Variants in XPR1 observed in about 807,000 individuals in gnomAD.
XPR1 encodes the protein solute carrier family 53 member 1.
Under a neutral mutation model 87.5 loss-of-function variants are expected in XPR1, and 28 were observed. That is an observed-to-expected ratio of 0.32 (90% CI 0.24 to 0.44). XPR1 has a LOEUF of 0.44. Among genes scored for constraint, XPR1 ranks in the 20% least tolerant of loss-of-function variants. XPR1 has a pLI of 1.00. For synonymous variants in XPR1, 300 were observed against 306.1 expected (o/e 0.98, Z 0.21); for missense variants, 559 against 862.3 (o/e 0.65, Z 4.41).
intron 3 of XPR1, among the ~76,000 whole-genome samples, chr1:180,793,310 T>G (rs1649454576): frequency 6.6e-6 from 1 of 152,138 alleles, no homozygotes. Context: ...TATTATTGAT[T>G]TATATTGTTT....
chr1:180,865,550 G>A (rs930099130), intron 12 of XPR1, among the ~76,000 whole-genome samples: 2 of 152,072 alleles, frequency 1.3e-5, no homozygotes, highest in Admixed American at 6.5e-5. Flanking sequence ...ACAGGCGCCC[G>A]CCACCACGTC....
At chr1:180,694,167 C>G (rs1657086799) in intron 2 of XPR1, among the ~76,000 whole-genome samples, 1 of 152,128 alleles carries the variant, frequency 6.6e-6, no homozygotes, top group African/African-American at 2.4e-5. Context: ...GCTATGTTGC[C>G]TAGGCTGATC....
At chr1:180,663,564 A>G (rs1321013461) in intron 1 of XPR1, among the ~76,000 whole-genome samples, 1 of 152,212 alleles carries the variant, frequency 6.6e-6, no homozygotes, top group East Asian at 1.9e-4. Context: ...TTGGGCCACC[A>G]TCACTGGGAC....
chr1:180,817,611 A>G (rs958654202), intron 7 of XPR1, among the ~76,000 whole-genome samples: 2 of 152,220 alleles, frequency 1.3e-5, no homozygotes, highest in Non-Finnish European at 1.5e-5. Context: ...CCTAGGAGCA[A>G]TAGGCTCACA....
In XPR1 at chr1:180,744,650, C is replaced by CTTTTTTTTTTTTTTTTTTT. The variant is rs200044209; in HGVS notation, c.122-43100_122-43099insTTTTTTTTTTTTTTTTTTT. Among the ~76,000 whole-genome samples, 196 of 56,902 alleles carry CTTTTTTTTTTTTTTTTTTT rather than the reference C, an allele frequency of 3.4e-3. 24 individuals are homozygous for CTTTTTTTTTTTTTTTTTTT. Among genetic ancestry groups the CTTTTTTTTTTTTTTTTTTT allele is most frequent in the Non-Finnish European group, 4.4e-3 (120 of 27,150 alleles). 37.3% of individuals were successfully genotyped at this position (56,902 alleles called of 152,430 possible). On this transcript the variant is annotated intron_variant, in intron 2 of 14. Coordinates refer to ENST00000367590, the MANE Select transcript of XPR1 (RefSeq NM_004736.4). ...ACTTGTTCAGGTTTAGGCACAATTT[C>CTTTTTTTTTTTTTTTTTTT]TTTCTTTTTTTTTTTTTTGAGACAG...
chr1:180,729,016 C>T (rs1355292301), intron 2 of XPR1, among the ~76,000 whole-genome samples: 1 of 151,992 alleles, frequency 6.6e-6, no homozygotes, highest in Non-Finnish European at 1.5e-5. Context: ...TCAAGTAGGC[C>T]CCAGTGTTTG....
intron 12 of XPR1, among the ~76,000 whole-genome samples, chr1:180,865,290 C>T (rs1300491317): frequency 1.3e-5 from 2 of 152,052 alleles, no homozygotes; most frequent in Admixed American, 6.5e-5. Context: ...AATTAATAAT[C>T]AGAGAGTAGA....
intron 1 of XPR1, among the ~76,000 whole-genome samples, chr1:180,649,243 C>T (rs4589068): frequency 6.6e-6 from 1 of 151,456 alleles, no homozygotes; most frequent in Non-Finnish European, 1.5e-5. Context: ...GCCTAAGACA[C>T]TGAAACCCCA....
At chr1:180,863,637 A>C in intron 11 of XPR1, 71 bp from the exon 12 acceptor site, 3 of 1,350,084 alleles carry the variant, frequency 2.2e-6, no homozygotes, top group Non-Finnish European at 3.0e-6. Context: ...TGTTTTAATT[A>C]GTGTTATTAA....
At chr1:180,729,121 T>G (rs2102007441) in intron 2 of XPR1, among the ~76,000 whole-genome samples, 1 of 152,212 alleles carries the variant, frequency 6.6e-6, no homozygotes, top group East Asian at 1.9e-4. Flanking sequence ...GTTAGTTTGC[T>G]TAGGATAATG....
chr1:180,810,349 G>A (rs1289459376), intron 6 of XPR1, among the ~76,000 whole-genome samples: 1 of 152,136 alleles, frequency 6.6e-6, no homozygotes. Flanking sequence ...GGGAGGCCAA[G>A]GCAAGTGGAT....
intron 2 of XPR1, among the ~76,000 whole-genome samples, chr1:180,751,542 T>C (rs73036505): frequency 0.032 from 4,800 of 152,196 alleles, 175 homozygotes; most frequent in African/African-American, 0.086. Context: ...GTTTAAAAAC[T>C]TAAGGCAAAT....
At chr1:180,660,106 T>C (rs1482939236) in intron 1 of XPR1, among the ~76,000 whole-genome samples, 1 of 152,188 alleles carries the variant, frequency 6.6e-6, no homozygotes, top group Non-Finnish European at 1.5e-5. Context: ...TGGTTGTATG[T>C]GTCTAGGAAT....
intron 2 of XPR1, among the ~76,000 whole-genome samples, chr1:180,755,122 T>C (rs1023808157): frequency 6.6e-6 from 1 of 152,174 alleles, no homozygotes; most frequent in African/African-American, 2.4e-5. Flanking sequence ...TACTATAATC[T>C]CTTGGTTTTC....
intron 3 of XPR1, among the ~76,000 whole-genome samples, chr1:180,802,303 A>G (rs955128264): frequency 1.3e-5 from 2 of 152,214 alleles, no homozygotes; most frequent in African/African-American, 4.8e-5. Context: ...AGAAAAATAC[A>G]GAGTATTATT....
Position 180,876,376 on chromosome 1 carries a change from C to G in XPR1, c.1808+2434C>G, listed in dbSNP as rs1652665028. On this transcript the variant is annotated intron_variant, in intron 13 of 14. Transcript: ENST00000367590. ...CAGGGCCAGGCACGGTGGTTCACAC[C>G]TGTAATCCCAGCACTTTGGGAGGCT... Among the ~76,000 whole-genome samples, 4 of 152,164 alleles carry G rather than the reference C, an allele frequency of 2.6e-5. No individual in the cohort carries two copies. In the South Asian group the frequency reaches 8.3e-4, roughly 32 times the overall value.
intron 14 of XPR1, among the ~76,000 whole-genome samples, chr1:180,882,356 G>T (rs1162243380): frequency 6.6e-6 from 1 of 151,936 alleles, no homozygotes; most frequent in Non-Finnish European, 1.5e-5. Flanking sequence ...TGGTTTTTTT[G>T]TTTGTTTGTT....
chr1:180,686,727 A>T (rs1023075445), intron 2 of XPR1, among the ~76,000 whole-genome samples: 15 of 152,202 alleles, frequency 9.9e-5, no homozygotes, highest in African/African-American at 3.4e-4. Context: ...ACCAAATTCT[A>T]TGAAGTTATT....
rs1571905528 is a variant in XPR1 at position 180,866,222 on chromosome 1, AC to A, written c.1668+2349del. On this transcript the variant is annotated intron_variant, in intron 12 of 14. Coordinates refer to ENST00000367590, the MANE Select transcript of XPR1 (RefSeq NM_004736.4). ...GCAAGACCCTGTCTTAAAAAAAAAA[AC>A]AAAAACAAAAAACTAAAACAAAAGG... 2.9e-5 allele frequency among the ~76,000 whole-genome samples: 4 copies of A among 139,950 alleles called. No individual in the cohort carries two copies. The South Asian group carries it at 6.2e-4, about 22-fold the overall frequency. 91.8% of individuals were successfully genotyped at this position (139,950 alleles called of 152,430 possible).
Sources: gnomAD v4.1 joint callset for allele counts (sites outside exome capture counted in the v4.1 genomes callset) on GRCh38, gnomAD v4.1.1 for gene constraint, MANE v1.5 for transcripts, NCBI Gene and HGNC (gene_info 2026-07-23, HGNC 2026-07-21) for gene names.